The following SELENOF variants were observed in gnomAD, a reference collection of about 807,000 sequenced individuals.
SELENOF encodes the protein 15 kDa selenoprotein.
SELENOF carries 16 observed loss-of-function variants against 20.5 expected under a neutral mutation model. The ratio of observed to expected loss-of-function variants is 0.78; its 90% confidence interval spans 0.53 to 1.19. SELENOF has a LOEUF of 1.19. Ranked by LOEUF, SELENOF falls within the 50% of genes most tolerant of loss-of-function variation. SELENOF has a pLI of 0.00. For synonymous variants in SELENOF, 78 were observed against 74.5 expected, an observed-to-expected ratio of 1.05 and a Z score of -0.24; for missense variants, 215 against 194.2, an observed-to-expected ratio of 1.11 and a Z score of -0.64.
At position 86,868,121 on chromosome 1, in the gene SELENOF, A is replaced by G. The variant is rs1658661922; in HGVS notation, c.317-19T>C. On this transcript the variant is annotated intron_variant, in intron 3 of 4. Coordinates refer to ENST00000331835, the MANE Select transcript of SELENOF (RefSeq NM_004261.5). ...ACAAAAGCTTATAAAAAAAGAAAAA[A>G]AGATTCAGTAGTTCACTTCCAAATC... 1.5e-6 allele frequency: 2 copies of G among 1,314,728 alleles called. No homozygotes were observed. The highest frequency in any genetic ancestry group is 2.1e-6 in the Non-Finnish European group (2 of 943,906). The allele number at this position is 1,314,728 out of a possible 1,614,324, so 81.4% of individuals were successfully genotyped here.
rs927981438 is a variant in SELENOF at position 86,862,830 on chromosome 1, C to T, written c.*644G>A. 5 of 152,476 alleles carry T rather than the reference C, an allele frequency of 3.3e-5. No individual in the cohort carries two copies. Among genetic ancestry groups the T allele is most frequent in the African/African-American group, 1.2e-4 (5 of 41,428 alleles). 9.4% of individuals were successfully genotyped at this position (152,476 alleles called of 1,614,324 possible). A position where few individuals can be genotyped will look rare whatever the true frequency, so the allele number is the denominator to read the frequency against. ...AAAATTTGCCAAGTATGTATCTGAT[C>T]CACACAAATCCCTAGAAAGGTTTTC... On this transcript the variant is annotated 3_prime_UTR_variant, in exon 5 of 5. Transcript: ENST00000331835.
intron 3 of SELENOF, among the ~76,000 whole-genome samples, chr1:86,871,809 A>T (rs1433571275): frequency 7.1e-6 from 1 of 140,906 alleles, no homozygotes; most frequent in Non-Finnish European, 1.5e-5. Flanking sequence ...TGAATACATA[A>T]TATTATTTGT....
intron 2 of SELENOF, 81 bp from the exon 3 acceptor site, chr1:86,880,806 A>G: frequency 1.1e-6 from 1 of 930,232 alleles, no homozygotes; most frequent in South Asian, 1.8e-5. Context: ...TTTTCACAGT[A>G]TAAACATTAC....
chr1:86,908,658 C>T (rs554006404), intron 1 of SELENOF, among the ~76,000 whole-genome samples: 31 of 152,182 alleles, frequency 2.0e-4, no homozygotes, highest in African/African-American at 6.3e-4. Flanking sequence ...TAAGGCCCAG[C>T]GAGATATTAA....
chr1:86,913,009 C>T (rs1010299916), intron 1 of SELENOF, among the ~76,000 whole-genome samples: 1 of 152,086 alleles, frequency 6.6e-6, no homozygotes, highest in Non-Finnish European at 1.5e-5. Flanking sequence ...CCAGTAATTC[C>T]TAGCACCAAA....
chr1:86,900,345 G>A (rs567833767), intron 2 of SELENOF, among the ~76,000 whole-genome samples: 121 of 152,344 alleles, frequency 7.9e-4, no homozygotes, highest in African/African-American at 2.7e-3. Context: ...CGGCACCTCT[G>A]GAGGCCGAGG....
intron 3 of SELENOF, among the ~76,000 whole-genome samples, chr1:86,870,783 TA>T (rs1171774667): frequency 1.3e-5 from 2 of 152,124 alleles, no homozygotes; most frequent in African/African-American, 4.8e-5. Context: ...CACGCACAGC[TA>T]ATTTTTTTTT....
In SELENOF at chr1:86,880,670, T is replaced by C; in HGVS notation, c.308A>G (p.Gln103Arg). 2 of 1,587,348 alleles carry C rather than the reference T, an allele frequency of 1.3e-6. No individual in the cohort carries two copies. The highest frequency in any genetic ancestry group is 2.3e-5 in the East Asian group (1 of 44,122). Residue 103 changes from glutamine to arginine, a missense_variant, in exon 3 of 5, where the codon CAA (glutamine) becomes CGA (arginine). Coordinates refer to ENST00000331835, the MANE Select transcript of SELENOF (RefSeq NM_004261.5). Reference protein sequence around the residue: ...VCGUKLGRFPQVQAFVRSDKP... With the variant: ...VCGUKLGRFPRVQAFVRSDKP... ...GAGTAAATTTTATATACCTTGGACT[T>C]GAGGGAACCTTCCCAATTTTCATCC...
chr1:86,898,566 G>A (rs1445703273), intron 2 of SELENOF, among the ~76,000 whole-genome samples: 4 of 149,312 alleles, frequency 2.7e-5, no homozygotes, highest in Admixed American at 6.7e-5. Flanking sequence ...TATAAACTCT[G>A]ACTTTCTCTT....
rs116448301 is a variant in SELENOF at position 86,869,307 on chromosome 1, C to G, written c.317-1205G>C. On this transcript the variant is annotated intron_variant, in intron 3 of 4. Transcript: ENST00000331835. ...CCAAGTCTGAAAATTTGGAAATAATCTAAATGTGTAAAACGATATTGGTTA... is the reference window on the plus strand; with the variant it reads ...CCAAGTCTGAAAATTTGGAAATAATGTAAATGTGTAAAACGATATTGGTTA... Among the ~76,000 whole-genome samples, 604 of 152,298 alleles carry G rather than the reference C, an allele frequency of 4.0e-3. 2 individuals carry two copies. The highest frequency in any genetic ancestry group is 0.014 in the African/African-American group (584 of 41,566).
At chr1:86,878,176 T>C (rs1294378972) in intron 3 of SELENOF, among the ~76,000 whole-genome samples, 1 of 152,240 alleles carries the variant, frequency 6.6e-6, no homozygotes, top group South Asian at 2.1e-4. Context: ...TCTGAGATTT[T>C]TTTTTACACA....
Position 86,869,731 on chromosome 1 carries a change from C to CTTTCT in SELENOF, c.317-1634_317-1630dup, listed in dbSNP as rs1010566864. On this transcript the variant is annotated intron_variant, in intron 3 of 4. Coordinates refer to ENST00000331835, the MANE Select transcript of SELENOF (RefSeq NM_004261.5). ...TCTTTCCTTCCTTCCTTCCTTCTTT[C>CTTTCT]TTTCTTTTCTTTTCTTTCTTTCTTT... Among the ~76,000 whole-genome samples, 17 of 151,372 alleles carry CTTTCT rather than the reference C, an allele frequency of 1.1e-4. No homozygotes were observed. In the East Asian group the frequency reaches 2.7e-3, roughly 24 times the overall value.
At chr1:86,871,262 T>G (rs1395221028) in intron 3 of SELENOF, among the ~76,000 whole-genome samples, 1 of 152,152 alleles carries the variant, frequency 6.6e-6, no homozygotes, top group Non-Finnish European at 1.5e-5. Flanking sequence ...GATAAGGTGA[T>G]AATAAAAACA....
rs1658507225 is a variant in SELENOF, at chr1:86,863,314, A to G, written c.*160T>C. 5.4e-6 allele frequency: 3 copies of G among 550,560 alleles called. No homozygotes were observed. The Admixed American group carries it at 1.2e-4, about 22-fold the overall frequency. The allele number at this position is 550,560 out of a possible 1,614,324, so 34.1% of individuals were successfully genotyped here. On this transcript the variant is annotated 3_prime_UTR_variant, in exon 5 of 5. Transcript: ENST00000331835. ...TTTGTTAAGCTTGCCAACTCCTTAG[A>G]TATCATGGACTATACTGCCATTTCA...
At chr1:86,873,236 A>G (rs937346410) in intron 3 of SELENOF, among the ~76,000 whole-genome samples, 8 of 152,172 alleles carry the variant, frequency 5.3e-5, no homozygotes, top group Admixed American at 1.3e-4. Context: ...CAGCCTGGAC[A>G]ACACAGCGAG....
intron 2 of SELENOF, among the ~76,000 whole-genome samples, chr1:86,896,590 A>C (rs72947818): frequency 0.024 from 3,588 of 152,334 alleles, 74 homozygotes; most frequent in African/African-American, 0.049. Flanking sequence ...ACTTTGAAAA[A>C]ATACCTATTA....
At chr1:86,875,697 T>C (rs912056876) in intron 3 of SELENOF, among the ~76,000 whole-genome samples, 4 of 152,232 alleles carry the variant, frequency 2.6e-5, no homozygotes, top group Non-Finnish European at 5.9e-5. Context: ...TCTAGTTTGA[T>C]AGAGGCAAAA....
At chr1:86,912,812 AC>A (rs1227019234) in intron 1 of SELENOF, among the ~76,000 whole-genome samples, 1 of 152,164 alleles carries the variant, frequency 6.6e-6, no homozygotes, top group East Asian at 1.9e-4. Flanking sequence ...GTTCTACTCC[AC>A]TGACCCAGAA....
intron 1 of SELENOF, 145 bp downstream of exon 1, chr1:86,913,883 A>G: frequency 1.4e-6 from 1 of 716,394 alleles, no homozygotes; most frequent in Non-Finnish European, 2.4e-6. Context: ...CCGAGAAATT[A>G]AGCCACGTTG....
Sources: allele counts gnomAD v4.1 joint callset (sites outside exome capture counted in the v4.1 genomes callset), GRCh38; gene constraint gnomAD v4.1.1; transcripts MANE v1.5; gene names NCBI Gene and HGNC (gene_info 2026-07-23, HGNC 2026-07-21).